Variants in DENND2B observed in about 807,000 individuals in gnomAD.
DENND2B encodes DENN domain containing 2B.
Under a neutral mutation model 116.0 loss-of-function variants are expected in DENND2B, and 32 were observed. That is an observed-to-expected ratio of 0.28 (90% confidence interval 0.21 to 0.37). The LOEUF (loss-of-function observed/expected upper bound fraction) is 0.37, where lower values mean the gene tolerates loss of function less well. Among genes scored for constraint, DENND2B ranks in the 10% least tolerant of loss-of-function variants. DENND2B has a pLI of 1.00. For missense variants in DENND2B, 1,276 were observed against 1,477.7 expected (o/e 0.86, Z 2.24); for synonymous variants, 588 against 583.9 (o/e 1.01, Z -0.10).
At chr11:8,845,938 C>T (rs890804709) in intron 3 of DENND2B, among the ~76,000 whole-genome samples, 1 of 152,088 alleles carries the variant, frequency 6.6e-6, no homozygotes, top group Non-Finnish European at 1.5e-5. Flanking sequence ...TGTCTAGAAA[C>T]CAAAAATACA....
At chr11:8,778,658 C>T (rs576178140) in intron 1 of DENND2B, among the ~76,000 whole-genome samples, 2 of 152,364 alleles carry the variant, frequency 1.3e-5, no homozygotes, top group East Asian at 1.9e-4. Flanking sequence ...ACAGCTCCCA[C>T]GTACCCGGGG....
intron 4 of DENND2B, among the ~76,000 whole-genome samples, chr11:8,836,031 G>A (rs2062408573): frequency 6.6e-6 from 1 of 151,922 alleles, no homozygotes; most frequent in African/African-American, 2.4e-5. Flanking sequence ...GTGGAGTTAG[G>A]GCTTATGGAA....
intron 2 of DENND2B, among the ~76,000 whole-genome samples, chr11:8,861,308 T>C (rs916959754): frequency 2.0e-5 from 3 of 152,008 alleles, no homozygotes; most frequent in African/African-American, 7.2e-5. Context: ...ATACCTAGAA[T>C]CTGCAAGGAA....
At chr11:8,768,102 C>A (rs78576270) in intron 1 of DENND2B, among the ~76,000 whole-genome samples, 1 of 152,164 alleles carries the variant, frequency 6.6e-6, no homozygotes, top group Non-Finnish European at 1.5e-5. Flanking sequence ...CGGACGAGAG[C>A]AACCAGGCTG....
chr11:8,701,115 T>A (rs1184924980), intron 14 of DENND2B, among the ~76,000 whole-genome samples: 2 of 152,126 alleles, frequency 1.3e-5, no homozygotes, highest in Non-Finnish European at 2.9e-5. Flanking sequence ...AAATGTTTCT[T>A]GTCTGGAAAG....
rs557572235 is a variant in DENND2B, at chr11:8,720,772, C to A, written c.1478-2880G>T. On this transcript the variant is annotated intron_variant, in intron 4 of 19. Coordinates refer to ENST00000313726, the MANE Select transcript of DENND2B (RefSeq NM_213618.2). Reference sequence around the variant, plus strand: ...ATGGAGATGTACAGAGACAAGTGGACCCTGAGTCCTGGACCACTAAACTGA... The same window carrying A: ...ATGGAGATGTACAGAGACAAGTGGAACCTGAGTCCTGGACCACTAAACTGA... 4.6e-5 allele frequency among the ~76,000 whole-genome samples: 7 copies of A among 152,286 alleles called. No homozygotes were observed. In the East Asian group the frequency reaches 1.3e-3, roughly 29 times the overall value.
intron 2 of DENND2B, among the ~76,000 whole-genome samples, chr11:8,860,522 C>T (rs562434015): frequency 1.1e-4 from 16 of 152,168 alleles, no homozygotes; most frequent in Admixed American, 2.6e-4. Flanking sequence ...AACTACAAAA[C>T]GCTGCTGAAA....
chr11:8,700,881 G>A (rs988969484), intron 14 of DENND2B, among the ~76,000 whole-genome samples: 2 of 151,910 alleles, frequency 1.3e-5, no homozygotes, highest in African/African-American at 4.8e-5. Flanking sequence ...GAGTGCAGTG[G>A]CACAATCTCC....
At chr11:8,864,760 A>G (rs932525558) in intron 2 of DENND2B, among the ~76,000 whole-genome samples, 1 of 152,254 alleles carries the variant, frequency 6.6e-6, no homozygotes, top group Non-Finnish European at 1.5e-5. Flanking sequence ...GATACAGAGC[A>G]CTTCCCAGAG....
chr11:8,761,647 T>G (rs1207217076), intron 1 of DENND2B, among the ~76,000 whole-genome samples: 1 of 152,168 alleles, frequency 6.6e-6, no homozygotes, highest in Non-Finnish European at 1.5e-5. Flanking sequence ...TGTCAACTTC[T>G]TCCTGACTCT....
intron 2 of DENND2B, among the ~76,000 whole-genome samples, chr11:8,739,655 G>T (rs1271855007): frequency 3.9e-5 from 6 of 152,264 alleles, no homozygotes; most frequent in Non-Finnish European, 5.9e-5. Context: ...CAGGCAGCCA[G>T]TTCTGCTGCT....
At chr11:8,815,605 C>T (rs1311817057), upstream of DENND2B, among the ~76,000 whole-genome samples, 2 of 152,202 alleles carry the variant, frequency 1.3e-5, no homozygotes, top group East Asian at 1.9e-4. Context: ...ATCTTACTGC[C>T]TTCAAGGTCC....
chr11:8,751,316 G>T (rs2052425867), intron 1 of DENND2B, among the ~76,000 whole-genome samples: 1 of 152,126 alleles, frequency 6.6e-6, no homozygotes, highest in Admixed American at 6.5e-5. Context: ...CTGTAAAACA[G>T]ACCAATCGAC....
intron 14 of DENND2B, chr11:8,699,925 T>C (rs762751877): frequency 1.1e-4 from 50 of 456,168 alleles, no homozygotes; most frequent in African/African-American, 1.0e-4. Context: ...AGACCCCAGA[T>C]TGGCAGAACT....
intron 2 of DENND2B, among the ~76,000 whole-genome samples, chr11:8,868,648 C>T (rs2063667498): frequency 6.6e-6 from 1 of 152,296 alleles, no homozygotes; most frequent in Admixed American, 6.5e-5. Flanking sequence ...GCAACAATAC[C>T]TATGTCACAA....
chr11:8,900,555 C>A (rs564922956), intron 1 of DENND2B, among the ~76,000 whole-genome samples: 2 of 150,748 alleles, frequency 1.3e-5, no homozygotes, highest in Non-Finnish European at 2.9e-5. Context: ...GCCACACTTG[C>A]GCCATTGCAG....
At chr11:8,719,582 A>C (rs564502774) in intron 4 of DENND2B, among the ~76,000 whole-genome samples, 1 of 152,332 alleles carries the variant, frequency 6.6e-6, no homozygotes, top group Non-Finnish European at 1.5e-5. Context: ...TGTCGCAAGA[A>C]GCCAAATAGC....
intron 1 of DENND2B, chr11:8,776,148 ACGCGCG>A (rs762259209): frequency 8.3e-4 from 157 of 189,462 alleles, no homozygotes; most frequent in East Asian, 5.1e-3. Flanking sequence ...ACGTGCGCGC[ACGCGCG>A]CGCGCGCACA....
intron 2 of DENND2B, among the ~76,000 whole-genome samples, chr11:8,733,117 C>G (rs1234356856): frequency 6.6e-6 from 1 of 152,218 alleles, no homozygotes; most frequent in Non-Finnish European, 1.5e-5. Context: ...CAGTGCCAAG[C>G]CAAGCCAATG....
Sources: gnomAD v4.1 joint callset for allele counts (sites outside exome capture counted in the v4.1 genomes callset) on GRCh38, gnomAD v4.1.1 for gene constraint, MANE v1.5 for transcripts, NCBI Gene and HGNC (gene_info 2026-07-23, HGNC 2026-07-21) for gene names.